KCNK10: variants seen among roughly 807,000 people sequenced by gnomAD.
KCNK10 encodes potassium channel subfamily K member 10.
Under a neutral mutation model 47.7 loss-of-function variants are expected in KCNK10, and 25 were observed. That is an observed-to-expected ratio of 0.52 (90% confidence interval 0.38 to 0.73). The LOEUF is 0.73. Ranked by LOEUF, KCNK10 falls within the 30% of genes least tolerant of loss-of-function variation. The pLI is 0.00. For synonymous variants in KCNK10, 303 were observed against 285.6 expected (o/e 1.06, Z -0.61); for missense variants, 563 against 714.5 (o/e 0.79, Z 2.42).
chr14:88,241,503 C>CCA (rs1002734050), intron 2 of KCNK10, among the ~76,000 whole-genome samples: 21 of 142,756 alleles, frequency 1.5e-4, no homozygotes, highest in East Asian at 5.8e-4. Flanking sequence ...CACCCCCACA[C>CCA]CACACACACA....
chr14:88,280,525 T>C (rs1887627930), intron 1 of KCNK10, among the ~76,000 whole-genome samples: 1 of 152,178 alleles, frequency 6.6e-6, no homozygotes, highest in African/African-American at 2.4e-5. Context: ...TTGCCTACTA[T>C]TGAGTTTCAT....
chr14:88,190,670 T>G (rs1287571882), intron 5 of KCNK10, among the ~76,000 whole-genome samples: 1 of 152,012 alleles, frequency 6.6e-6, no homozygotes, highest in Non-Finnish European at 1.5e-5. Context: ...ACTTTGCAAT[T>G]CTTAGTCCTT....
intron 4 of KCNK10, among the ~76,000 whole-genome samples, chr14:88,216,057 T>A (rs191094951): frequency 1.3e-5 from 2 of 152,264 alleles, no homozygotes; most frequent in South Asian, 2.1e-4. Flanking sequence ...GTTTGCCTAG[T>A]GAAGAATAAT....
At chr14:88,284,609 T>A (rs1337982477) in intron 1 of KCNK10, among the ~76,000 whole-genome samples, 1 of 152,122 alleles carries the variant, frequency 6.6e-6, no homozygotes, top group African/African-American at 2.4e-5. Flanking sequence ...GCAGGAAGCA[T>A]CCAGCACGGG....
intron 4 of KCNK10, 152 bp downstream of exon 4, chr14:88,227,223 G>T: frequency 1.7e-6 from 1 of 588,256 alleles, no homozygotes; most frequent in Non-Finnish European, 2.8e-6. Flanking sequence ...CAAGATGTTT[G>T]ACTTCCATTG....
intron 2 of KCNK10, among the ~76,000 whole-genome samples, chr14:88,251,677 A>G (rs1330393164): frequency 3.9e-5 from 6 of 152,250 alleles, no homozygotes; most frequent in Admixed American, 3.9e-4. Context: ...TGACCAGATT[A>G]TATCACTCTG....
At chr14:88,254,986 C>T (rs149349161) in intron 2 of KCNK10, among the ~76,000 whole-genome samples, 54 of 152,210 alleles carry the variant, frequency 3.5e-4, no homozygotes, top group Admixed American at 5.9e-4. Flanking sequence ...GACTGTGATC[C>T]CTTTAATATG....
At chr14:88,202,642 G>C (rs1394209095) in intron 4 of KCNK10, among the ~76,000 whole-genome samples, 3 of 152,234 alleles carry the variant, frequency 2.0e-5, no homozygotes, top group Admixed American at 6.5e-5. Flanking sequence ...GAGATTCTCA[G>C]AGGCAGACTT....
At chr14:88,193,610 A>G (rs1422076428) in intron 4 of KCNK10, among the ~76,000 whole-genome samples, 1 of 152,152 alleles carries the variant, frequency 6.6e-6, no homozygotes, top group East Asian at 1.9e-4. Flanking sequence ...GGCAATCAAT[A>G]TAGGAAATCC....
At chr14:88,240,030 T>C (rs539846763) in intron 3 of KCNK10, among the ~76,000 whole-genome samples, 16 of 152,280 alleles carry the variant, frequency 1.1e-4, no homozygotes, top group East Asian at 1.9e-4. Flanking sequence ...GTTCACTCTA[T>C]GATCAGCTGC....
At chr14:88,201,242 C>A (rs1057416008) in intron 4 of KCNK10, among the ~76,000 whole-genome samples, 2 of 152,212 alleles carry the variant, frequency 1.3e-5, no homozygotes, top group African/African-American at 4.8e-5. Context: ...ATGCCAGCTC[C>A]AATTGTGTGT....
At chr14:88,251,827 G>T (rs1452288840) in intron 2 of KCNK10, among the ~76,000 whole-genome samples, 1 of 152,140 alleles carries the variant, frequency 6.6e-6, no homozygotes, top group African/African-American at 2.4e-5. Flanking sequence ...GGCCACATTT[G>T]CTCACTTCTC....
chr14:88,270,404 TG>T (rs11353626), intron 1 of KCNK10, among the ~76,000 whole-genome samples: 69,965 of 151,942 alleles, frequency 0.46, 18,314 homozygotes, highest in East Asian at 0.84. Context: ...CCTGTTTCCA[TG>T]GGACAGCCCT....
chr14:88,323,163 C>G lies in KCNK10; in HGVS notation c.-365G>C, dbSNP rs1452084327. 8.9e-7 allele frequency: 1 copy of G among 1,120,578 alleles called. No homozygotes were observed. The highest frequency in any genetic ancestry group is 1.6e-5 in the African/African-American group (1 of 61,616). 69.4% of individuals were successfully genotyped at this position (1,120,578 alleles called of 1,614,324 possible). A position where few individuals can be genotyped will look rare whatever the true frequency, so the allele number is the denominator to read the frequency against. ...GGTTAGGGGCTGCGCAGCCTGAAGG[C>G]TGGGGCTACGGAGAAGCCCACTGCA... On this transcript the variant is annotated 5_prime_UTR_variant, in exon 1 of 7. Coordinates refer to ENST00000319231, the MANE Select transcript of KCNK10 (RefSeq NM_138317.3).
At chr14:88,274,942 C>T (rs1221330547) in intron 1 of KCNK10, among the ~76,000 whole-genome samples, 1 of 148,054 alleles carries the variant, frequency 6.8e-6, no homozygotes, top group Non-Finnish European at 1.5e-5. Context: ...CTCTCTTCTG[C>T]TCTCAGCCTC....
chr14:88,255,258 C>A (rs1886916939), intron 2 of KCNK10, among the ~76,000 whole-genome samples: 1 of 152,250 alleles, frequency 6.6e-6, no homozygotes, highest in South Asian at 2.1e-4. Flanking sequence ...CAGTATGGCA[C>A]AAGGGTTCAG....
At chr14:88,302,633 C>T (rs968129789) in intron 1 of KCNK10, among the ~76,000 whole-genome samples, 1 of 152,140 alleles carries the variant, frequency 6.6e-6, no homozygotes, top group Non-Finnish European at 1.5e-5. Flanking sequence ...TCGCTTGAAC[C>T]CGGGAGGCAG....
intron 1 of KCNK10, among the ~76,000 whole-genome samples, chr14:88,278,511 G>C (rs1887576826): frequency 6.6e-6 from 1 of 152,144 alleles, no homozygotes; most frequent in Non-Finnish European, 1.5e-5. Context: ...AATTAATGTG[G>C]AATGAAAGTA....
Position 88,184,654 on chromosome 14 carries a change from A to T in KCNK10, c.*881T>A, listed in dbSNP as rs1226459206. 1 of 152,306 alleles carries T rather than the reference A, an allele frequency of 6.6e-6. No individual in the cohort carries two copies. The highest frequency in any genetic ancestry group is 2.4e-5 in the African/African-American group (1 of 41,438). The allele number at this position is 152,306 out of a possible 1,614,324, so 9.4% of individuals were successfully genotyped here. On this transcript the variant is annotated 3_prime_UTR_variant, in exon 7 of 7. Coordinates refer to ENST00000319231, the MANE Select transcript of KCNK10 (RefSeq NM_138317.3). ...GCAAGGCAATTGTTTTGGTATTTCT[A>T]CCCCTCTTATCAAAACAAGTTATAA...
Sources: allele counts gnomAD v4.1 joint callset (sites outside exome capture counted in the v4.1 genomes callset), GRCh38; gene constraint gnomAD v4.1.1; transcripts MANE v1.5; gene names NCBI Gene and HGNC (gene_info 2026-07-23, HGNC 2026-07-21).